Variants in SMYD3 observed in about 807,000 individuals in gnomAD.
The protein encoded by SMYD3 is histone-lysine N-methyltransferase SMYD3.
SMYD3 carries 36 observed loss-of-function variants against 57.7 expected under a neutral mutation model. That is an observed-to-expected ratio of 0.62 (90% confidence interval 0.48 to 0.82). The LOEUF (loss-of-function observed/expected upper bound fraction) is 0.82. Ranked by LOEUF, SMYD3 falls within the 40% of genes least tolerant of loss-of-function variation. SMYD3 has a pLI of 0.00. For synonymous variants in SMYD3, 211 were observed against 195.0 expected (o/e 1.08, Z -0.68); for missense variants, 515 against 538.8 (o/e 0.96, Z 0.44).
At chr1:246,086,410 A>G (rs2060721867) in intron 5 of SMYD3, among the ~76,000 whole-genome samples, 1 of 151,960 alleles carries the variant, frequency 6.6e-6, no homozygotes, top group Admixed American at 6.6e-5. Context: ...ACTTGCTTTT[A>G]TTACAACACA....
intron 2 of SMYD3, among the ~76,000 whole-genome samples, chr1:246,344,179 A>AGT (rs2065675661): frequency 6.6e-6 from 1 of 152,090 alleles, no homozygotes; most frequent in Admixed American, 6.6e-5. Context: ...CACCACACCC[A>AGT]GCTTTGATAA....
At chr1:245,877,411 A>G (rs2052546602) in intron 8 of SMYD3, among the ~76,000 whole-genome samples, 1 of 152,268 alleles carries the variant, frequency 6.6e-6, no homozygotes, top group Admixed American at 6.5e-5. Context: ...ACATGGAGAC[A>G]TGGGGAGATT....
chr1:245,869,460 T>C (rs2052055094), intron 8 of SMYD3, among the ~76,000 whole-genome samples: 1 of 152,184 alleles, frequency 6.6e-6, no homozygotes, highest in Admixed American at 6.5e-5. Flanking sequence ...ACCACTCTAG[T>C]GATTTCAGCA....
intron 5 of SMYD3, among the ~76,000 whole-genome samples, chr1:246,122,969 T>A (rs75311425): frequency 0.044 from 6,732 of 152,252 alleles, 399 homozygotes; most frequent in African/African-American, 0.13. Flanking sequence ...ACTTTGAGTT[T>A]TTTGATTTTA....
At chr1:246,442,536 G>A (rs979026348) in intron 1 of SMYD3, among the ~76,000 whole-genome samples, 3 of 151,054 alleles carry the variant, frequency 2.0e-5, no homozygotes, top group East Asian at 1.9e-4. Context: ...CTATAAGAGC[G>A]AAACCCCTTC....
intron 5 of SMYD3, among the ~76,000 whole-genome samples, chr1:246,056,907 A>G (rs12025539): frequency 0.14 from 21,846 of 152,166 alleles, 1,780 homozygotes; most frequent in East Asian, 0.39. Context: ...GATTAAGAAC[A>G]CACACTCCAC....
chr1:245,865,714 TA>T (rs1398045606), intron 8 of SMYD3, among the ~76,000 whole-genome samples: 2 of 152,154 alleles, frequency 1.3e-5, no homozygotes, highest in African/African-American at 4.8e-5. Context: ...ATTCAAACAA[TA>T]AAAAACTCAG....
rs530512712 is a variant in SMYD3, at chr1:246,041,800, G to C, written c.532-111863C>G. 1.2e-4 allele frequency among the ~76,000 whole-genome samples: 18 copies of C among 151,202 alleles called. No homozygotes were observed. In the South Asian group the frequency reaches 3.8e-3, roughly 32 times the overall value. ...AGTTATACCTAGCTCAATCTAGATGGTATGTAATCTTTATTGGGAAAAAAA... is the reference window on the plus strand; with the variant it reads ...AGTTATACCTAGCTCAATCTAGATGCTATGTAATCTTTATTGGGAAAAAAA... On this transcript the variant is annotated intron_variant, in intron 5 of 11. Coordinates refer to ENST00000490107, the MANE Select transcript of SMYD3 (RefSeq NM_001167740.2).
At chr1:246,290,636 A>G (rs1008955938) in intron 5 of SMYD3, among the ~76,000 whole-genome samples, 7 of 152,162 alleles carry the variant, frequency 4.6e-5, no homozygotes, top group African/African-American at 1.4e-4. Flanking sequence ...TCCTAATATC[A>G]ATAAGCAATA....
chr1:246,428,695 G>T (rs566828012), intron 1 of SMYD3, among the ~76,000 whole-genome samples: 160 of 152,182 alleles, frequency 1.1e-3, no homozygotes, highest in Non-Finnish European at 2.0e-3. Flanking sequence ...ATTCAAACCC[G>T]TGCAATCTAG....
chr1:246,054,910 T>A (rs2060123311), intron 5 of SMYD3, among the ~76,000 whole-genome samples: 1 of 139,230 alleles, frequency 7.2e-6, no homozygotes, highest in South Asian at 2.4e-4. Context: ...GTGCGGCGGC[T>A]CACGCCTGTA....
intron 5 of SMYD3, among the ~76,000 whole-genome samples, chr1:245,993,371 C>A (rs1049495803): frequency 6.6e-6 from 1 of 152,068 alleles, no homozygotes; most frequent in Non-Finnish European, 1.5e-5. Context: ...GGAAATGATG[C>A]AAGTCAGTAC....
intron 1 of SMYD3, among the ~76,000 whole-genome samples, chr1:246,437,800 T>C (rs2067402739): frequency 6.6e-6 from 1 of 152,206 alleles, no homozygotes; most frequent in South Asian, 2.1e-4. Flanking sequence ...AAGAAAACTC[T>C]CATTATTTCC....
At chr1:246,295,952 A>G (rs1206550243) in intron 5 of SMYD3, among the ~76,000 whole-genome samples, 1 of 152,204 alleles carries the variant, frequency 6.6e-6, no homozygotes, top group Non-Finnish European at 1.5e-5. Flanking sequence ...CAAAGGTTTG[A>G]TTTGGGTGTT....
At chr1:245,831,499 AGAAG>A (rs2049831412) in intron 10 of SMYD3, among the ~76,000 whole-genome samples, 1 of 152,210 alleles carries the variant, frequency 6.6e-6, no homozygotes, top group Non-Finnish European at 1.5e-5. Context: ...GTCTTGTCCC[AGAAG>A]AACCACTAAC....
chr1:246,255,986 ATAC>A (rs1274857124), intron 5 of SMYD3, among the ~76,000 whole-genome samples: 15 of 151,286 alleles, frequency 9.9e-5, no homozygotes, highest in African/African-American at 3.4e-4. Flanking sequence ...AGATAGATAG[ATAC>A]ACACACACAT....
chr1:245,949,427 C>T (rs2057540146), intron 5 of SMYD3, among the ~76,000 whole-genome samples: 1 of 152,142 alleles, frequency 6.6e-6, no homozygotes, highest in Non-Finnish European at 1.5e-5. Context: ...AAATTATAGA[C>T]ACCACGGATG....
In SMYD3 at chr1:246,485,636, T is replaced by A. The variant is rs184110771; in HGVS notation, c.164+21418A>T. 2.8e-3 allele frequency among the ~76,000 whole-genome samples: 421 copies of A among 151,920 alleles called. 4 individuals are homozygous for A. Among genetic ancestry groups the A allele is most frequent in the East Asian group, 0.019 (100 of 5,170 alleles). On this transcript the variant is annotated intron_variant, in intron 1 of 11. Coordinates refer to ENST00000490107, the MANE Select transcript of SMYD3 (RefSeq NM_001167740.2). ...CCCCCACATCTCTACAAAAAAAATT[T>A]TTTTTAAATAGCTGGGGGTGGTGGT...
intron 10 of SMYD3, among the ~76,000 whole-genome samples, chr1:245,813,903 T>TACACAC (rs1553330999): frequency 2.1e-5 from 3 of 145,930 alleles, no homozygotes; most frequent in African/African-American, 8.1e-5. Flanking sequence ...TATATATATA[T>TACACAC]ACAGATGAAT....
Sources: gnomAD v4.1 joint callset for allele counts (sites outside exome capture counted in the v4.1 genomes callset) on GRCh38, gnomAD v4.1.1 for gene constraint, MANE v1.5 for transcripts, NCBI Gene and HGNC (gene_info 2026-07-23, HGNC 2026-07-21) for gene names.